The following BICRA variants were observed in gnomAD, a reference collection of about 807,000 sequenced individuals.
BICRA encodes the protein BRD4-interacting chromatin-remodeling complex-associated protein.
BICRA carries 31 observed loss-of-function variants against 96.9 expected under a neutral mutation model. The ratio of observed to expected loss-of-function variants is 0.32; its 90% confidence interval spans 0.24 to 0.43. The LOEUF is 0.43. Ranked by LOEUF, BICRA falls within the 20% of genes least tolerant of loss-of-function variation. The pLI, the probability that BICRA is intolerant of heterozygous loss-of-function variation, is 1.00. For missense variants in BICRA, 2,283 were observed against 2,190.3 expected, an observed-to-expected ratio of 1.04 and a Z score of -0.84; for synonymous variants, 1,350 against 1,071.8, an observed-to-expected ratio of 1.26 and a Z score of -5.07.
intron 1 of BICRA, among the ~76,000 whole-genome samples, chr19:47,650,480 CT>C (rs1405753760): frequency 6.6e-6 from 1 of 152,190 alleles, no homozygotes; most frequent in Non-Finnish European, 1.5e-5. Flanking sequence ...TGGTCTCGAA[CT>C]CCTGACCTCA....
chr19:47,680,003 C>T lies in BICRA; in HGVS notation c.833C>T (p.Ala278Val). 5 of 1,491,658 alleles carry T rather than the reference C, an allele frequency of 3.4e-6. No individual in the cohort carries two copies. Among genetic ancestry groups the T allele is most frequent in the Non-Finnish European group, 4.4e-6 (5 of 1,130,986 alleles). The allele number at this position is 1,491,658 out of a possible 1,614,324, so 92.4% of individuals were successfully genotyped here. Residue 278 changes from alanine (A) to valine (V), a missense_variant, in exon 6 of 15, where the codon GCC (alanine) becomes GTC (valine). By Grantham distance (64) the Ala-to-Val change is moderately conservative. Transcript: ENST00000594866. The part of the protein sequence containing the change: ...GPSEPVTLAS[A>V]GVSPQGAGLV... The stretch of plus-strand genomic sequence containing the variant: ...TCGGAGCCCGTGACGCTGGCGTCGG[C>T]CGGTGTCTCGCCACAGGGGGCTGGC...
chr19:47,688,719 G>A (rs2123599462), intron 7 of BICRA, among the ~76,000 whole-genome samples: 1 of 152,242 alleles, frequency 6.6e-6, no homozygotes, highest in African/African-American at 2.4e-5. Context: ...AACCCGGGAG[G>A]CGGAGGTTGC....
intron 1 of BICRA, among the ~76,000 whole-genome samples, chr19:47,669,567 A>G (rs1022942643): frequency 2.0e-5 from 3 of 152,058 alleles, no homozygotes; most frequent in African/African-American, 7.2e-5. Context: ...TATATACACT[A>G]TAGTGTATGT....
intron 1 of BICRA, among the ~76,000 whole-genome samples, chr19:47,623,289 CTG>C (rs1445424099): frequency 6.6e-6 from 1 of 152,086 alleles, no homozygotes; most frequent in Non-Finnish European, 1.5e-5. Flanking sequence ...CCTCCCAGTG[CTG>C]TGTTTAGAGG....
chr19:47,676,308 A>G (rs1409361675), intron 5 of BICRA, among the ~76,000 whole-genome samples: 2 of 152,048 alleles, frequency 1.3e-5, no homozygotes, highest in African/African-American at 2.4e-5. Context: ...CAACTCAGCC[A>G]TGGCAGGGTG....
chr19:47,692,111 G>T (rs1187715706), intron 7 of BICRA, among the ~76,000 whole-genome samples: 7 of 152,040 alleles, frequency 4.6e-5, no homozygotes, highest in Non-Finnish European at 1.0e-4. Flanking sequence ...TACTGAGTGG[G>T]CCAGTTCTCT....
chr19:47,608,893 GT>G (rs368469481), upstream of BICRA, among the ~76,000 whole-genome samples: 182 of 129,476 alleles, frequency 1.4e-3, 1 homozygote, highest in South Asian at 8.2e-3. Flanking sequence ...AACCTGAGAG[GT>G]TTTTTTTTTT....
chr19:47,667,099 A>C (rs1171039510), intron 1 of BICRA, among the ~76,000 whole-genome samples: 1 of 143,248 alleles, frequency 7.0e-6, no homozygotes, highest in Non-Finnish European at 1.5e-5. Flanking sequence ...GCTCACTGCA[A>C]CCTCCGCCTC....
Position 47,702,349 on chromosome 19 carries a change from CAGGCCCG to C in BICRA, c.4623_4629del (p.Glu1542ThrfsTer15). 6.5e-7 allele frequency: 1 copy of C among 1,542,972 alleles called. No individual in the cohort carries two copies. On this transcript the variant is annotated frameshift_variant, in exon 15 of 15. Transcript: ENST00000594866. LOFTEE classifies it high-confidence loss of function. Reference sequence around the variant, plus strand: ...CCCCCGCATCCCCGCCGCCCCTGCACAGGCCCGAGGCCTACCCACCCTCCAGTCACAA... The same window carrying C: ...CCCCCGCATCCCCGCCGCCCCTGCACAGGCCTACCCACCCTCCAGTCACAA...
intron 1 of BICRA, among the ~76,000 whole-genome samples, chr19:47,617,305 T>C (rs1971999986): frequency 6.6e-6 from 1 of 152,036 alleles, no homozygotes; most frequent in Admixed American, 6.6e-5. Flanking sequence ...TGTTTTCTTT[T>C]TTCTTTTTTT....
chr19:47,699,471 T>G lies in BICRA; in HGVS notation c.3595+66T>G. ...CCCCACCCCACCTGGGCAGAAGAGT[T>G]AGATTCAGGGCGGGGAGTGGGTGTG... On this transcript the variant is annotated intron_variant, in intron 14 of 14. Transcript: ENST00000594866. The surrounding 1 kb of genome is among the most constrained non-coding windows in gnomAD (Gnocchi z 5.0). 2 of 927,496 alleles carry G rather than the reference T, an allele frequency of 2.2e-6. No individual in the cohort carries two copies. Among genetic ancestry groups the G allele is most frequent in the Non-Finnish European group, 3.4e-6 (2 of 580,978 alleles). The allele number at this position is 927,496 out of a possible 1,614,324, so 57.5% of individuals were successfully genotyped here.
intron 1 of BICRA, among the ~76,000 whole-genome samples, chr19:47,628,952 T>A (rs902966841): frequency 6.6e-6 from 1 of 151,670 alleles, no homozygotes; most frequent in Non-Finnish European, 1.5e-5. Context: ...AAATGTACTT[T>A]TATTATGTAA....
rs78989030 is a variant in BICRA, at chr19:47,698,845, G to T, written c.3397+63G>T. 5,496 of 1,433,550 alleles carry T rather than the reference G, an allele frequency of 3.8e-3. 203 individuals are homozygous for T. The East Asian group carries it at 0.091, about 24-fold the overall frequency. The allele number at this position is 1,433,550 out of a possible 1,614,324, so 88.8% of individuals were successfully genotyped here. ...GGGACCCCAGCCCGTGGGGCGGGGC[G>T]TCGCCAGTGTGGAGCCGCAGGTCCA... On this transcript the variant is annotated intron_variant, in intron 12 of 14. Coordinates refer to ENST00000594866, the MANE Select transcript of BICRA (RefSeq NM_001394372.1). The surrounding 1 kb of genome is among the most constrained non-coding windows in gnomAD (Gnocchi z 4.8).
At chr19:47,629,006 T>G (rs1568550083) in intron 1 of BICRA, among the ~76,000 whole-genome samples, 1 of 151,958 alleles carries the variant, frequency 6.6e-6, no homozygotes, top group Non-Finnish European at 1.5e-5. Context: ...GAAACTTTAT[T>G]TATTTATTTT....
At chr19:47,633,482 C>T (rs527867883) in intron 1 of BICRA, among the ~76,000 whole-genome samples, 8 of 152,220 alleles carry the variant, frequency 5.3e-5, no homozygotes, top group African/African-American at 1.9e-4. Context: ...TAATTACAGA[C>T]GTGAGCCACC....
Position 47,702,109 on chromosome 19 carries a change from C to G in BICRA, c.4377C>G (p.Thr1459=). The change falls in exon 15 of 15, where the codon ACC becomes ACG. Residue 1459 remains threonine, a synonymous_variant. Transcript: ENST00000594866. The stretch of plus-strand genomic sequence containing the variant: ...CCGCAGCCAGCGCCGCCCAAGGCAC[C>G]GGGGACCCCGACTGGGAGGCGCCCG... ...PEPAASAAQG[T]GDPDWEAPGL... is the part of the protein sequence containing the mutation. 3 of 1,524,220 alleles carry G rather than the reference C, an allele frequency of 2.0e-6. No individual in the cohort carries two copies. Among genetic ancestry groups the G allele is most frequent in the Non-Finnish European group, 2.6e-6 (3 of 1,143,214 alleles). The allele number at this position is 1,524,220 out of a possible 1,614,324, so 94.4% of individuals were successfully genotyped here. A position where few individuals can be genotyped will look rare whatever the true frequency, so the allele number is the denominator to read the frequency against.
intron 1 of BICRA, among the ~76,000 whole-genome samples, chr19:47,624,088 T>A (rs989496614): frequency 5.3e-5 from 8 of 152,120 alleles, no homozygotes; most frequent in African/African-American, 1.9e-4. Context: ...CGACCTCAGA[T>A]GATCCGCCCA....
chr19:47,694,408 G>A lies in BICRA; in HGVS notation c.2577G>A (p.Gln859=), dbSNP rs768606051. 1 of 1,019,814 alleles carries A rather than the reference G, an allele frequency of 9.8e-7. No homozygotes were observed. The highest frequency in any genetic ancestry group is 2.6e-5 in the East Asian group (1 of 38,644). The allele number at this position is 1,019,814 out of a possible 1,614,324, so 63.2% of individuals were successfully genotyped here. The stretch of plus-strand genomic sequence containing the variant: ...CCCCTACTGCCCCAGGCCCGCCGCA[G>A]CCGCCTCTCCGCCCCCAGTCCCAGC... ...NPAPTAPGPP[Q]PPLRPQSQPP... is the part of the protein sequence containing the mutation. Residue 859 remains glutamine, a synonymous_variant, in exon 8 of 15, where the codon CAG becomes CAA. Transcript: ENST00000594866.
intron 1 of BICRA, among the ~76,000 whole-genome samples, chr19:47,654,249 C>G (rs1359797423): frequency 6.6e-6 from 1 of 152,110 alleles, no homozygotes. Flanking sequence ...GAAATGGTAT[C>G]CTCTGGTTCT....
Sources: gnomAD v4.1 joint callset for allele counts (sites outside exome capture counted in the v4.1 genomes callset) on GRCh38, gnomAD v4.1.1 for gene constraint, Gnocchi (gnomAD v3.1) non-coding constraint, MANE v1.5 for transcripts, NCBI Gene and HGNC (gene_info 2026-07-23, HGNC 2026-07-21) for gene names.